Variants in TASP1 observed in about 807,000 individuals in gnomAD.
TASP1 encodes taspase 1, also known as threonine aspartase 1.
TASP1 carries 16 observed loss-of-function variants against 56.6 expected under a neutral mutation model. The observed-to-expected ratio is 0.28, with a 90% CI of 0.19 to 0.43. TASP1 has a LOEUF of 0.43. Ranked by LOEUF, TASP1 falls within the 20% of genes least tolerant of loss-of-function variation. TASP1 has a pLI of 1.00. For synonymous variants in TASP1, 179 were observed against 184.2 expected (o/e 0.97, Z 0.23); for missense variants, 393 against 511.6 (o/e 0.77, Z 2.24).
At chr20:13,153,508 C>T in the TASP1 span, among the ~76,000 whole-genome samples, 2 of 152,020 alleles carry the variant, frequency 1.3e-5, no homozygotes, top group Non-Finnish European at 2.9e-5. Flanking sequence ...ATATGCTATC[C>T]CTACAAATTC....
chr20:13,604,672 A>C lies in TASP1; in HGVS notation c.283-17302T>G, dbSNP rs560822893. On this transcript the variant is annotated intron_variant, in intron 4 of 13. Transcript: ENST00000337743. ...ACCACCTTTCACACGGGTCATAAAT[A>C]ATTTTTTCATTAACAGTAGCCATTA... Among the ~76,000 whole-genome samples, 46 of 152,292 alleles carry C rather than the reference A, an allele frequency of 3.0e-4. No individual in the cohort carries two copies. In the South Asian group the frequency reaches 7.9e-3, roughly 26 times the overall value.
At chr20:13,227,734 T>C in the TASP1 span, among the ~76,000 whole-genome samples, 1 of 151,698 alleles carries the variant, frequency 6.6e-6, no homozygotes, top group African/African-American at 2.4e-5. Context: ...GGTCTCGATC[T>C]CCTGACCTCA....
chr20:13,303,884 T>C, the TASP1 span, among the ~76,000 whole-genome samples: 1 of 152,212 alleles, frequency 6.6e-6, no homozygotes, highest in Non-Finnish European at 1.5e-5. Flanking sequence ...TGTTACATTA[T>C]TTAAGGTGAT....
chr20:13,251,120 A>G, the TASP1 span, among the ~76,000 whole-genome samples: 2 of 152,150 alleles, frequency 1.3e-5, no homozygotes, highest in Non-Finnish European at 2.9e-5. Context: ...TTAATTATTC[A>G]GAGATCAATC....
chr20:13,593,609 A>C (rs1012099999), intron 4 of TASP1, among the ~76,000 whole-genome samples: 10 of 152,212 alleles, frequency 6.6e-5, no homozygotes, highest in Admixed American at 4.6e-4. Context: ...CTAGCGCAGC[A>C]GTCTGAGATC....
At chr20:13,557,344 G>A (rs2046192836) in intron 8 of TASP1, among the ~76,000 whole-genome samples, 2 of 152,074 alleles carry the variant, frequency 1.3e-5, no homozygotes, top group African/African-American at 2.4e-5. Context: ...ACAGAAAAGA[G>A]TACATTCTGT....
At chr20:13,227,228 G>C in the TASP1 span, among the ~76,000 whole-genome samples, 6,940 of 151,986 alleles carry the variant, frequency 0.046, 282 homozygotes, top group African/African-American at 0.11. Flanking sequence ...TTTTGAGATG[G>C]AGTCTCACTC....
the TASP1 span, among the ~76,000 whole-genome samples, chr20:13,350,012 A>G: frequency 6.6e-6 from 1 of 152,138 alleles, no homozygotes; most frequent in Non-Finnish European, 1.5e-5. Context: ...TTAGCCAGGT[A>G]TGGTGGCATG....
the TASP1 span, among the ~76,000 whole-genome samples, chr20:13,375,541 CAT>C: frequency 1.3e-5 from 2 of 152,142 alleles, no homozygotes; most frequent in East Asian, 3.9e-4. Context: ...CTGCAATAAA[CAT>C]ATGTGTGCAT....
At chr20:13,225,066 G>A in the TASP1 span, among the ~76,000 whole-genome samples, 4 of 150,756 alleles carry the variant, frequency 2.7e-5, no homozygotes, top group African/African-American at 7.3e-5. Context: ...TGTTAGCCAG[G>A]ATGGTCTCAC....
At position 13,588,310 on chromosome 20, in the gene TASP1, A is replaced by AAGG. The variant is rs1568618336; in HGVS notation, c.283-941_283-940insCCT. 2.9e-3 allele frequency among the ~76,000 whole-genome samples: 300 copies of AAGG among 101,802 alleles called. 3 individuals carry two copies. Among genetic ancestry groups the AAGG allele is most frequent in the Non-Finnish European group, 3.6e-3 (159 of 44,124 alleles). The allele number at this position is 101,802 out of a possible 152,430, so 66.8% of individuals were successfully genotyped here. ...GGAAGGAAGGAAGGAAGGAAGGAAG[A>AAGG]GAAAGAAAAGGAAGGAAGGAAGGAA... On this transcript the variant is annotated intron_variant, in intron 4 of 13. Transcript: ENST00000337743.
chr20:13,185,867 C>T, the TASP1 span, among the ~76,000 whole-genome samples: 120 of 152,302 alleles, frequency 7.9e-4, no homozygotes, highest in Middle Eastern at 3.4e-3. Context: ...TGGAAGTCAT[C>T]ACTCCCATCC....
chr20:13,453,979 A>G (rs181685704), intron 11 of TASP1, among the ~76,000 whole-genome samples: 43 of 152,110 alleles, frequency 2.8e-4, no homozygotes, highest in African/African-American at 9.9e-4. Flanking sequence ...GAGGAAGATG[A>G]AGGTTGGAAA....
the TASP1 span, among the ~76,000 whole-genome samples, chr20:13,290,840 T>A: frequency 9.4e-3 from 1,433 of 152,352 alleles, 17 homozygotes; most frequent in African/African-American, 0.032. Context: ...TTGTACTCAT[T>A]CGACAGCTAT....
intron 11 of TASP1, among the ~76,000 whole-genome samples, chr20:13,445,359 A>G (rs2043369983): frequency 6.6e-6 from 1 of 152,222 alleles, no homozygotes; most frequent in Non-Finnish European, 1.5e-5. Flanking sequence ...TCCTCAAGGA[A>G]ATAATTCAGT....
chr20:13,567,408 C>G (rs1238150062), intron 7 of TASP1, among the ~76,000 whole-genome samples: 1 of 151,932 alleles, frequency 6.6e-6, no homozygotes, highest in Non-Finnish European at 1.5e-5. Context: ...GTACATGTGC[C>G]CCTAAAATTA....
chr20:13,591,043 T>A, intron 4 of TASP1, among the ~76,000 whole-genome samples: 2 of 142,878 alleles, frequency 1.4e-5, no homozygotes, highest in Non-Finnish European at 3.1e-5. Context: ...AAAAAAATAC[T>A]AAGAAAAGGA....
the TASP1 span, among the ~76,000 whole-genome samples, chr20:13,265,064 T>A: frequency 6.6e-6 from 1 of 152,156 alleles, no homozygotes; most frequent in Non-Finnish European, 1.5e-5. Context: ...GTGTATAATA[T>A]TTAACTCTGT....
the TASP1 span, among the ~76,000 whole-genome samples, chr20:13,198,750 T>A: frequency 1.3e-5 from 2 of 152,198 alleles, no homozygotes; most frequent in Non-Finnish European, 2.9e-5. Flanking sequence ...CTGTTCATTG[T>A]TTTTTCTGGG....
Sources: gnomAD v4.1 joint callset for allele counts (sites outside exome capture counted in the v4.1 genomes callset) on GRCh38, gnomAD v4.1.1 for gene constraint, MANE v1.5 for transcripts, NCBI Gene and HGNC (gene_info 2026-07-23, HGNC 2026-07-21) for gene names.